Variants in KCNH3 observed in about 807,000 individuals in gnomAD.
The protein encoded by KCNH3 is potassium voltage-gated channel subfamily H member 3.
A neutral mutation model predicts 95.6 loss-of-function variants in KCNH3; 36 were observed. The observed-to-expected ratio is 0.38, with a 90% CI of 0.29 to 0.50. The LOEUF (loss-of-function observed/expected upper bound fraction) is 0.50, where lower values mean the gene tolerates loss of function less well. Ranked by LOEUF, KCNH3 falls within the 20% of genes least tolerant of loss-of-function variation. KCNH3 has a pLI of 0.95. For missense variants in KCNH3, 1,030 were observed against 1,484.1 expected, an observed-to-expected ratio of 0.69 and a Z score of 5.03; for synonymous variants, 620 against 646.3, an observed-to-expected ratio of 0.96 and a Z score of 0.62.
chr12:49,550,351 GGCGTGGGGGCACGT>G, intron 10 of KCNH3, 22 bp downstream of exon 10: 1 of 1,584,910 alleles, frequency 6.3e-7, no homozygotes, highest in Non-Finnish European at 8.6e-7. Flanking sequence ...TGGGAGAGAG[GGCGTGGGGGCACGT>G]GTGTGTGAGA....
Position 49,556,423 on chromosome 12 carries a change from T to C in KCNH3, c.2522T>C (p.Phe841Ser). The change falls in exon 13 of 15, where the codon TTC (phenylalanine) becomes TCC (serine). Residue 841 changes from phenylalanine (F) to serine (S), a missense_variant. Physicochemically the swap from Phe to Ser is radical, Grantham distance 155. Transcript: ENST00000257981. ...GGCTCGGACCAGCCCAAGTTCTCTTTCCGCGTGGGCCAGTCTGGCCCGGAA... is the reference window on the plus strand; with the variant it reads ...GGCTCGGACCAGCCCAAGTTCTCTTCCCGCGTGGGCCAGTCTGGCCCGGAA... ...GCGSDQPKFS[F>S]RVGQSGPECS... 1 of 1,614,054 alleles carries C rather than the reference T, an allele frequency of 6.2e-7. No homozygotes were observed. Among genetic ancestry groups the C allele is most frequent in the Non-Finnish European group, 8.5e-7 (1 of 1,179,978 alleles).
chr12:49,552,392 T>C (rs571093177), intron 10 of KCNH3, among the ~76,000 whole-genome samples: 1 of 152,364 alleles, frequency 6.6e-6, no homozygotes, highest in South Asian at 2.1e-4. Flanking sequence ...CCAGGACTTA[T>C]GCCACCGTTG....
Position 49,557,617 on chromosome 12 carries a change from G to A in KCNH3, c.2916G>A (p.Met972Ile). Residue 972 changes from methionine (M) to isoleucine (I), a missense_variant, in exon 15 of 15, where the codon ATG (methionine) becomes ATA (isoleucine). Physicochemically the swap from Met to Ile is conservative, Grantham distance 10. Around this residue, in one of 9 missense-constraint regions of KCNH3, gnomAD observed 464 missense variants for 493.2 expected, o/e 0.94. Transcript: ENST00000257981. ...CTCGTCCGGGGCCTCCTCCCCTCAT[G>A]GCACCCTGGCCCTGGGGTCCCCCAG... Reference protein sequence around the residue: ...PHPRPGPPPLMAPWPWGPPAS... With the variant: ...PHPRPGPPPLIAPWPWGPPAS... The A allele has an allele frequency of 6.2e-7, 1 of 1,613,440 alleles. No homozygotes were observed.
chr12:49,539,701 G>T lies in KCNH3; in HGVS notation c.76+209G>T, dbSNP rs915751617. Among the ~76,000 whole-genome samples, 4 of 152,158 alleles carry T rather than the reference G, an allele frequency of 2.6e-5. No homozygotes were observed. Among genetic ancestry groups the T allele is most frequent in the Non-Finnish European group, 4.4e-5 (3 of 68,044 alleles). On this transcript the variant is annotated intron_variant, in intron 1 of 14. Transcript: ENST00000257981. This position sits in a 1 kb window ranked among gnomAD's most constrained non-coding sequence, Gnocchi z 6.7. ...GTTCGGGGTCAACACTGCTTCAGGCGAGGCAACAGGGCCAGAAGTCCCTGG... is the reference window on the plus strand; with the variant it reads ...GTTCGGGGTCAACACTGCTTCAGGCTAGGCAACAGGGCCAGAAGTCCCTGG...
At position 49,542,767 on chromosome 12, in the gene KCNH3, G is replaced by A. The variant is rs1398695427; in HGVS notation, c.507G>A (p.Arg169=). ...AAGGCTTCAATGCCAACCGGCGGCG[G>A]AGCCGGGCCGTGCTCTACCACCTGT... ...RSKGFNANRR[R]SRAVLYHLSG... Residue 169 remains arginine (R), a synonymous_variant, in exon 4 of 15, where the codon CGG becomes CGA. Transcript: ENST00000257981. 2.5e-6 allele frequency: 4 copies of A among 1,593,842 alleles called. No homozygotes were observed. The African/African-American group carries it at 5.3e-5, about 21-fold the overall frequency.
intron 12 of KCNH3, 107 bp downstream of exon 12, chr12:49,556,058 A>G (rs569322394): frequency 6.3e-6 from 4 of 635,536 alleles, no homozygotes; most frequent in East Asian, 2.7e-5. Flanking sequence ...AACTCCCGCT[A>G]GTCTATGTGG....
rs1937975793 is a variant in KCNH3 at position 49,544,175 on chromosome 12, T to A, written c.982T>A (p.Tyr328Asn). ...DLLHAFKVNV[Y>N]FGAHLLKTVR... ...CCCTCCCTCCCTCCCCGCATCTCAG[T>A]ACTTCGGGGCCCATCTGCTGAAGAC... Residue 328 changes from tyrosine to asparagine, a missense_variant and splice_region_variant, in exon 7 of 15, where the codon TAC becomes AAC. By Grantham distance (143) the Tyr-to-Asn change is moderately radical (BLOSUM62 -2). Around this residue, in one of 9 missense-constraint regions of KCNH3, gnomAD observed 153 missense variants for 288.5 expected, o/e 0.53. Transcript: ENST00000257981. The A allele has an allele frequency of 2.3e-6, 2 of 885,702 alleles. No homozygotes were observed. 54.9% of individuals were successfully genotyped at this position (885,702 alleles called of 1,614,324 possible).
chr12:49,550,041 A>G, intron 9 of KCNH3, 39 bp from the exon 10 acceptor site: 1 of 1,492,154 alleles, frequency 6.7e-7, no homozygotes, highest in Non-Finnish European at 9.0e-7. Context: ...CTCTTCTGCC[A>G]CTCCCAACCC....
intron 9 of KCNH3, 46 bp downstream of exon 9, chr12:49,549,686 G>T: frequency 3.9e-6 from 6 of 1,547,004 alleles, no homozygotes; most frequent in Non-Finnish European, 5.3e-6. Flanking sequence ...TCCCTCAGGG[G>T]GTTTGCAATA....
Position 49,555,809 on chromosome 12 carries a change from C to T in KCNH3, c.2326C>T (p.Arg776Trp), listed in dbSNP as rs1368098030. 4.3e-6 allele frequency: 7 copies of T among 1,613,546 alleles called. No individual in the cohort carries two copies. Among genetic ancestry groups the T allele is most frequent in the African/African-American group, 1.3e-5 (1 of 75,058 alleles). Residue 776 changes from arginine to tryptophan, a missense_variant, in exon 12 of 15, where the codon CGG becomes TGG. Coordinates refer to ENST00000257981, the MANE Select transcript of KCNH3 (RefSeq NM_012284.3). ...KLLSPRRTAP[R>W]PRLGGRGRPG... ...GCTATCCCCACGTCGAACAGCACCC[C>T]GGCCTCGTCTAGGTGGCAGAGGGAG...
intron 4 of KCNH3, 108 bp from the exon 5 acceptor site, chr12:49,543,167 G>A (rs1937933336): frequency 1.1e-5 from 14 of 1,230,960 alleles, no homozygotes; most frequent in South Asian, 8.6e-5. Context: ...ATGCTGCTTC[G>A]ATAATGCAGG....
rs1937815727 is a variant in KCNH3 at position 49,539,966 on chromosome 12, C to T, written c.76+474C>T. 6.6e-6 allele frequency among the ~76,000 whole-genome samples: 1 copy of T among 152,176 alleles called. No individual in the cohort carries two copies. Among genetic ancestry groups the T allele is most frequent in the Non-Finnish European group, 1.5e-5 (1 of 68,032 alleles). ...CTCGGGAGAGCACCGTGTGTCCAAG[C>T]CCCGTGTCTCATAGCCTGAACCCCC... On this transcript the variant is annotated intron_variant, in intron 1 of 14. Coordinates refer to ENST00000257981, the MANE Select transcript of KCNH3 (RefSeq NM_012284.3). This position sits in a 1 kb window ranked among gnomAD's most constrained non-coding sequence, Gnocchi z 6.7.
intron 7 of KCNH3, among the ~76,000 whole-genome samples, chr12:49,548,246 C>T (rs1397380797): frequency 1.3e-5 from 2 of 152,006 alleles, no homozygotes; most frequent in African/African-American, 4.8e-5. Flanking sequence ...TGTCCCTCTC[C>T]CAAGTGTGCA....
rs1232117700 is a variant in KCNH3 at position 49,544,086 on chromosome 12, G to A, written c.981+14G>A. 6.2e-7 allele frequency: 1 copy of A among 1,607,760 alleles called. No individual in the cohort carries two copies. The highest frequency in any genetic ancestry group is 1.7e-5 in the Admixed American group (1 of 59,902). On this transcript the variant is annotated intron_variant, in intron 6 of 14. Coordinates refer to ENST00000257981, the MANE Select transcript of KCNH3 (RefSeq NM_012284.3). ...AAGGTCAACGTGGTCAGTGTGGCTG[G>A]GCTGGCTGGGTGGGTGGGCTTGGCC... is the stretch of plus-strand genomic sequence containing the variant.
chr12:49,549,323 C>A, intron 8 of KCNH3, 118 bp from the exon 9 acceptor site: 2 of 1,463,928 alleles, frequency 1.4e-6, no homozygotes, highest in South Asian at 1.3e-5. Flanking sequence ...GAGACTTCGC[C>A]CGCACAGCGG....
rs773141141 is a variant in KCNH3, at chr12:49,539,529, C to G, written c.76+37C>G. On this transcript the variant is annotated intron_variant, in intron 1 of 14. Coordinates refer to ENST00000257981, the MANE Select transcript of KCNH3 (RefSeq NM_012284.3). The surrounding 1 kb of genome is among the most constrained non-coding windows in gnomAD (Gnocchi z 6.7). ...CCTCGCCCACTTGCACCCGGGCCGC[C>G]GGACCCTCGCCAGGGCTCCCGCCTT... 3 of 1,557,748 alleles carry G rather than the reference C, an allele frequency of 1.9e-6. No individual in the cohort carries two copies. The highest frequency in any genetic ancestry group is 1.7e-4 in the Middle Eastern group (1 of 5,960).
At position 49,550,251 on chromosome 12, in the gene KCNH3, G is replaced by C. The variant is rs1387910295; in HGVS notation, c.1840G>C (p.Asp614His). The change falls in exon 10 of 15, where the codon GAT (aspartate) becomes CAT (histidine). Residue 614 changes from aspartate to histidine, a missense_variant. Asp to His is a moderately conservative substitution (Grantham distance 81). This residue lies in a region of KCNH3 where 160 missense variants were observed against 316.2 expected (regional missense o/e 0.51). Transcript: ENST00000257981. ...GGGCGAGTACCTCATCCACCAAGGC[G>C]ATGCCCTGCAGGCCCTCTACTTTGT... The part of the protein sequence containing the change: ...TPGEYLIHQG[D>H]ALQALYFVCS... The C allele has an allele frequency of 6.2e-7, 1 of 1,610,036 alleles. No individual in the cohort carries two copies. The highest frequency in any genetic ancestry group is 8.5e-7 in the Non-Finnish European group (1 of 1,179,974).
At position 49,557,256 on chromosome 12, in the gene KCNH3, G is replaced by A. The variant is rs1938497325; in HGVS notation, c.2649G>A (p.Gln883=). ...CAGACACACTGGACAAGCTTCGGCA[G>A]GCGGTGGGTGAGGGGGAAGGTGGAG... ...RNTDTLDKLR[Q]AVTELSEQVL... is the part of the protein sequence containing the mutation. The change falls in exon 14 of 15, where the codon CAG becomes CAA. Residue 883 remains glutamine, a synonymous_variant. Transcript: ENST00000257981. 6.2e-7 allele frequency: 1 copy of A among 1,613,902 alleles called. No homozygotes were observed. The highest frequency in any genetic ancestry group is 1.3e-5 in the African/African-American group (1 of 74,908).
chr12:49,557,787 C>A lies in KCNH3; in HGVS notation c.3086C>A (p.Pro1029His). ...PPSEEGARTG[P>H]AEPVSQAEAT... ...TCTGAGGAAGGGGCTAGGACTGGGC[C>A]CGCAGAGCCTGTGAGCCAGGCTGAG... Residue 1029 changes from proline (P) to histidine (H), a missense_variant, in exon 15 of 15, where the codon CCC (proline) becomes CAC (histidine). By Grantham distance (77) the Pro-to-His change is moderately conservative. Around this residue, in one of 9 missense-constraint regions of KCNH3, gnomAD observed 464 missense variants for 493.2 expected, o/e 0.94. Transcript: ENST00000257981. 2 of 1,606,354 alleles carry A rather than the reference C, an allele frequency of 1.2e-6. No homozygotes were observed. Among genetic ancestry groups the A allele is most frequent in the Admixed American group, 3.4e-5 (2 of 59,648 alleles).
Sources: gnomAD v4.1 joint callset for allele counts (sites outside exome capture counted in the v4.1 genomes callset) on GRCh38, gnomAD v4.1.1 for gene constraint, gnomAD v4.1.1 regional missense constraint, Gnocchi (gnomAD v3.1) non-coding constraint, MANE v1.5 for transcripts, NCBI Gene and HGNC (gene_info 2026-07-23, HGNC 2026-07-21) for gene names.